The following AGBL1 variants were observed in gnomAD, a reference collection of about 807,000 sequenced individuals.
AGBL1 encodes the protein AGBL carboxypeptidase 1.
A neutral mutation model predicts 118.9 loss-of-function variants in AGBL1; 130 were observed. That is an observed-to-expected ratio of 1.09 (90% confidence interval 0.95 to 1.26). The LOEUF (loss-of-function observed/expected upper bound fraction) is 1.26, where lower values mean the gene tolerates loss of function less well. Ranked by LOEUF, AGBL1 falls within the 50% of genes most tolerant of loss-of-function variation. AGBL1 has a pLI of 0.00. For synonymous variants in AGBL1, 555 were observed against 478.9 expected (o/e 1.16, Z -2.08); for missense variants, 1,584 against 1,298.1 (o/e 1.22, Z -3.38).
chr15:86,469,919 T>C (rs533079040), intron 18 of AGBL1, among the ~76,000 whole-genome samples: 2 of 152,102 alleles, frequency 1.3e-5, no homozygotes, highest in South Asian at 4.1e-4. Flanking sequence ...ATTTAAAAAA[T>C]CAGGTTACTT....
At chr15:86,228,208 C>T (rs1036743982) in intron 6 of AGBL1, among the ~76,000 whole-genome samples, 2 of 152,106 alleles carry the variant, frequency 1.3e-5, no homozygotes, top group Non-Finnish European at 2.9e-5. Context: ...GAATATCTTT[C>T]GACTTGGACC....
chr15:86,976,023 A>C (rs1314540019), intron 23 of AGBL1, among the ~76,000 whole-genome samples: 2 of 152,140 alleles, frequency 1.3e-5, no homozygotes, highest in Non-Finnish European at 2.9e-5. Flanking sequence ...AATAAGCAAA[A>C]AAATCATATA....
chr15:86,311,768 A>T (rs2079924999), intron 17 of AGBL1, among the ~76,000 whole-genome samples: 1 of 152,198 alleles, frequency 6.6e-6, no homozygotes, highest in African/African-American at 2.4e-5. Context: ...GTTATTCGAT[A>T]TACCACACCC....
intron 24 of AGBL1, among the ~76,000 whole-genome samples, chr15:86,996,432 A>G (rs1048605906): frequency 8.5e-5 from 13 of 152,150 alleles, no homozygotes; most frequent in African/African-American, 3.1e-4. Context: ...CACTTTGTGC[A>G]CTGCTTCTTT....
chr15:86,603,026 G>A (rs2084519982), intron 21 of AGBL1, among the ~76,000 whole-genome samples: 1 of 152,120 alleles, frequency 6.6e-6, no homozygotes, highest in Admixed American at 6.6e-5. Context: ...ATGCCAAATG[G>A]TTCAATTACA....
intron 22 of AGBL1, among the ~76,000 whole-genome samples, chr15:86,717,941 G>A (rs2086662138): frequency 6.6e-6 from 1 of 152,096 alleles, no homozygotes. Flanking sequence ...AGCTGGGCGT[G>A]ATGGCATGCA....
At chr15:86,200,829 T>C (rs975629510) in intron 5 of AGBL1, among the ~76,000 whole-genome samples, 2 of 152,034 alleles carry the variant, frequency 1.3e-5, no homozygotes, top group African/African-American at 4.8e-5. Context: ...TTGGCCAGGC[T>C]GGTCTCCAAC....
rs1253326958 is a variant in AGBL1 at position 86,615,994 on chromosome 15, TG to T, written c.2995-58275del. Among the ~76,000 whole-genome samples, 1 of 151,910 alleles carries T rather than the reference TG, an allele frequency of 6.6e-6. No individual in the cohort carries two copies. The highest frequency in any genetic ancestry group is 1.5e-5 in the Non-Finnish European group (1 of 67,966). ...ACAGAAGAAAAGAGTTTCAGGAGGTTGGGGCAGGGAGATTAAGCTGATTAGG... is the reference window on the plus strand; with the variant it reads ...ACAGAAGAAAAGAGTTTCAGGAGGTTGGGCAGGGAGATTAAGCTGATTAGG... On this transcript the variant is annotated intron_variant, in intron 21 of 22. Coordinates refer to ENST00000614907, the MANE Select transcript of AGBL1 (RefSeq NM_001386094.1). The surrounding 1 kb of genome is among the most constrained non-coding windows in gnomAD (Gnocchi z 4.3).
intron 16 of AGBL1, among the ~76,000 whole-genome samples, chr15:86,294,902 C>G (rs1478949341): frequency 1.3e-5 from 2 of 152,276 alleles, no homozygotes; most frequent in East Asian, 3.9e-4. Context: ...GATCCTCCCC[C>G]ACCCCATCCC....
intron 22 of AGBL1, among the ~76,000 whole-genome samples, chr15:86,738,335 C>T (rs2077630083): frequency 1.3e-5 from 2 of 152,110 alleles, no homozygotes; most frequent in Admixed American, 6.5e-5. Flanking sequence ...AGGATGCCCA[C>T]TCTCACCACT....
In AGBL1 at chr15:86,733,597, G is replaced by C. The variant is rs116446236; in HGVS notation, c.3158+59161G>C. Among the ~76,000 whole-genome samples the C allele has an allele frequency of 6.1e-3, 934 of 152,178 alleles. 11 individuals are homozygous for C. The highest frequency in any genetic ancestry group is 0.021 in the African/African-American group (885 of 41,514). ...GCATTAACTACTATTATTCCCAGTG[G>C]TTTGTTGTTGTTGTTGTATTTAAAT... On this transcript the variant is annotated intron_variant, in intron 22 of 22. Transcript: ENST00000614907.
intron 22 of AGBL1, among the ~76,000 whole-genome samples, chr15:86,807,327 G>A (rs773946431): frequency 6.6e-6 from 1 of 152,040 alleles, no homozygotes; most frequent in African/African-American, 2.4e-5. Flanking sequence ...TATTTTTGTG[G>A]GTTCATAATA....
intron 18 of AGBL1, among the ~76,000 whole-genome samples, chr15:86,437,928 C>T (rs1295897771): frequency 1.3e-5 from 2 of 151,976 alleles, no homozygotes; most frequent in African/African-American, 2.4e-5. Flanking sequence ...TTTTTGGAGA[C>T]GGAGTCTCAT....
intron 23 of AGBL1, among the ~76,000 whole-genome samples, chr15:86,956,263 T>A (rs578051744): frequency 1.1e-3 from 146 of 137,230 alleles, no homozygotes; most frequent in African/African-American, 3.9e-3. Flanking sequence ...ATAGATAGAT[T>A]AGATAGATGA....
chr15:86,825,874 A>T (rs191983947), intron 22 of AGBL1, among the ~76,000 whole-genome samples: 1 of 146,392 alleles, frequency 6.8e-6, no homozygotes, highest in African/African-American at 2.5e-5. Context: ...AATGTGACAG[A>T]TGATAGATGG....
intron 15 of AGBL1, among the ~76,000 whole-genome samples, chr15:86,279,292 T>C (rs1033344224): frequency 2.0e-5 from 3 of 152,182 alleles, no homozygotes; most frequent in Admixed American, 6.5e-5. Context: ...ATGTCTCCAA[T>C]TGAAACCCAA....
intron 19 of AGBL1, 73 bp downstream of exon 19, chr15:86,523,012 C>T: frequency 3.9e-6 from 6 of 1,531,484 alleles, no homozygotes; most frequent in Non-Finnish European, 5.4e-6. Flanking sequence ...GTATATTCTG[C>T]CAAGGCAAGA....
chr15:86,536,708 AG>A (rs1253641988), intron 19 of AGBL1, among the ~76,000 whole-genome samples: 39 of 152,160 alleles, frequency 2.6e-4, no homozygotes, highest in African/African-American at 8.9e-4. Context: ...GAATGAAATG[AG>A]GAGATGGAGG....
intron 5 of AGBL1, among the ~76,000 whole-genome samples, chr15:86,182,309 C>T (rs978228327): frequency 6.6e-6 from 1 of 151,794 alleles, no homozygotes; most frequent in Non-Finnish European, 1.5e-5. Flanking sequence ...CTCTTCTCTC[C>T]CTTTGTCATC....
Sources: gnomAD v4.1 joint callset for allele counts (sites outside exome capture counted in the v4.1 genomes callset) on GRCh38, gnomAD v4.1.1 for gene constraint, Gnocchi (gnomAD v3.1) non-coding constraint, MANE v1.5 for transcripts, NCBI Gene and HGNC (gene_info 2026-07-23, HGNC 2026-07-21) for gene names.